Variants in SMYD3 observed in about 807,000 individuals in gnomAD.
SMYD3 encodes histone-lysine N-methyltransferase SMYD3.
In SMYD3, 36 loss-of-function variants were observed where a neutral mutation model predicts 57.7. The ratio of observed to expected loss-of-function variants is 0.62; its 90% CI spans 0.48 to 0.82. The LOEUF (loss-of-function observed/expected upper bound fraction) is 0.82, where lower values mean the gene tolerates loss of function less well. Among genes scored for constraint, SMYD3 ranks in the 40% least tolerant of loss-of-function variants. The pLI is 0.00. For synonymous variants in SMYD3, 211 were observed against 195.0 expected (o/e 1.08, Z -0.68); for missense variants, 515 against 538.8 (o/e 0.96, Z 0.44).
chr1:246,108,767 C>G (rs1178590274), intron 5 of SMYD3: 2 of 152,298 alleles, frequency 1.3e-5, no homozygotes, highest in Admixed American at 6.5e-5. Flanking sequence ...AAAGCAAATA[C>G]TAGCTTTATT....
rs111285698 is a variant in SMYD3, at chr1:246,425,733, C to G, written c.165-70639G>C. On this transcript the variant is annotated intron_variant, in intron 1 of 11. Transcript: ENST00000490107. ...TTCATTCTGTCTTACTTACTCAGCT[C>G]TTTACAGGTGCTTCCTGGGATCATC... is the stretch of plus-strand genomic sequence containing the variant. Among the ~76,000 whole-genome samples the G allele has an allele frequency of 7.4e-3, 1,128 of 152,304 alleles. 12 individuals are homozygous for G. Among genetic ancestry groups the G allele is most frequent in the African/African-American group, 0.024 (983 of 41,574 alleles).
intron 1 of SMYD3, among the ~76,000 whole-genome samples, chr1:246,386,807 C>T (rs2066490056): frequency 6.6e-6 from 1 of 152,014 alleles, no homozygotes; most frequent in African/African-American, 2.4e-5. Flanking sequence ...TAGTTTACCC[C>T]TCCCGCCGTG....
chr1:245,845,169 G>A (rs1354680947), intron 10 of SMYD3, among the ~76,000 whole-genome samples: 1 of 152,070 alleles, frequency 6.6e-6, no homozygotes, highest in African/African-American at 2.4e-5. Flanking sequence ...TTTGATTAAT[G>A]AGAACCATTA....
intron 1 of SMYD3, among the ~76,000 whole-genome samples, chr1:246,446,994 A>G (rs1372971531): frequency 6.8e-6 from 1 of 148,068 alleles, no homozygotes; most frequent in Non-Finnish European, 1.5e-5. Flanking sequence ...GTGCCACTGC[A>G]CTCCAGCCTC....
chr1:246,028,436 C>T (rs917013179), intron 5 of SMYD3, among the ~76,000 whole-genome samples: 6 of 151,990 alleles, frequency 3.9e-5, no homozygotes, highest in African/African-American at 7.2e-5. Context: ...ACATCAATAA[C>T]GAAGTAGTGA....
intron 5 of SMYD3, among the ~76,000 whole-genome samples, chr1:246,030,858 A>G (rs2059658937): frequency 6.6e-6 from 1 of 152,126 alleles, no homozygotes; most frequent in Non-Finnish European, 1.5e-5. Context: ...TTTGCAGTGG[A>G]ACGCTTACAT....
rs542504527 is a variant in SMYD3 at position 245,998,186 on chromosome 1, T to A, written c.532-68249A>T. Reference sequence around the variant, plus strand: ...AAGAAATAAAGATAAGGAAGTATCTTCCTGCTATCAGCCCCTGCTTCGGTG... The same window carrying A: ...AAGAAATAAAGATAAGGAAGTATCTACCTGCTATCAGCCCCTGCTTCGGTG... On this transcript the variant is annotated intron_variant, in intron 5 of 11. Transcript: ENST00000490107. Among the ~76,000 whole-genome samples the A allele has an allele frequency of 7.0e-4, 107 of 152,280 alleles. 2 individuals carry two copies. In the South Asian group the frequency reaches 0.022, roughly 32 times the overall value.
intron 5 of SMYD3, among the ~76,000 whole-genome samples, chr1:246,040,172 G>C (rs1408296766): frequency 6.6e-6 from 1 of 152,062 alleles, no homozygotes; most frequent in African/African-American, 2.4e-5. Flanking sequence ...ATTAATATTG[G>C]GCTGTTTTGG....
At chr1:246,047,225 A>G (rs763801916) in intron 5 of SMYD3, among the ~76,000 whole-genome samples, 21 of 152,220 alleles carry the variant, frequency 1.4e-4, no homozygotes, top group Non-Finnish European at 2.8e-4. Flanking sequence ...GTGGGAGTGG[A>G]ATTGTCTTGC....
chr1:246,457,766 G>A (rs2067726395), intron 1 of SMYD3, among the ~76,000 whole-genome samples: 1 of 152,052 alleles, frequency 6.6e-6, no homozygotes, highest in African/African-American at 2.4e-5. Flanking sequence ...CCAATCCACT[G>A]CCTACCTACT....
chr1:245,825,363 A>G (rs935401602), intron 10 of SMYD3, among the ~76,000 whole-genome samples: 2 of 152,174 alleles, frequency 1.3e-5, no homozygotes, highest in Admixed American at 6.5e-5. Context: ...CCTGAGTCTC[A>G]TATCTAGAGG....
At chr1:246,021,885 G>T (rs1190011992) in intron 5 of SMYD3, among the ~76,000 whole-genome samples, 1 of 152,150 alleles carries the variant, frequency 6.6e-6, no homozygotes, top group Non-Finnish European at 1.5e-5. Flanking sequence ...TCACTTCGTG[G>T]GTTCTGTGTT....
At chr1:246,119,171 C>T (rs1232806897) in intron 5 of SMYD3, among the ~76,000 whole-genome samples, 1 of 152,048 alleles carries the variant, frequency 6.6e-6, no homozygotes, top group African/African-American at 2.4e-5. Flanking sequence ...CAAACGCATG[C>T]CAACATGCTT....
At chr1:245,785,223 G>A (rs1053413782) in intron 10 of SMYD3, among the ~76,000 whole-genome samples, 14 of 151,918 alleles carry the variant, frequency 9.2e-5, no homozygotes, top group South Asian at 2.1e-4. Flanking sequence ...GTTACATTAC[G>A]GAGAATGTGG....
intron 10 of SMYD3, among the ~76,000 whole-genome samples, chr1:245,802,667 A>G (rs982089445): frequency 6.6e-6 from 1 of 152,162 alleles, no homozygotes; most frequent in Non-Finnish European, 1.5e-5. Context: ...CCAGTTTCCA[A>G]TGTTCCCTCA....
chr1:246,091,408 C>G (rs1167183172), intron 5 of SMYD3, among the ~76,000 whole-genome samples: 3 of 151,854 alleles, frequency 2.0e-5, no homozygotes, highest in Non-Finnish European at 2.9e-5. Flanking sequence ...ACCCACCATA[C>G]CTCCTGTCTT....
At chr1:245,790,046 T>C (rs1258771251) in intron 10 of SMYD3, among the ~76,000 whole-genome samples, 1 of 152,196 alleles carries the variant, frequency 6.6e-6, no homozygotes, top group Non-Finnish European at 1.5e-5. Flanking sequence ...TCATGGATCT[T>C]ACATCACTGT....
At chr1:246,376,832 T>C (rs2066287640) in intron 1 of SMYD3, among the ~76,000 whole-genome samples, 1 of 151,762 alleles carries the variant, frequency 6.6e-6, no homozygotes. Flanking sequence ...GGGAGTGGTG[T>C]CTCACGCCTG....
chr1:246,042,504 C>T (rs2059895667), intron 5 of SMYD3, among the ~76,000 whole-genome samples: 7 of 152,192 alleles, frequency 4.6e-5, no homozygotes. Context: ...CCGGTCTGCT[C>T]TTTGGGAACA....
Sources: gnomAD v4.1 joint callset for allele counts (sites outside exome capture counted in the v4.1 genomes callset) on GRCh38, gnomAD v4.1.1 for gene constraint, MANE v1.5 for transcripts, NCBI Gene and HGNC (gene_info 2026-07-23, HGNC 2026-07-21) for gene names.